The following EOGT variants were observed in gnomAD, a reference collection of about 807,000 sequenced individuals.
The protein encoded by EOGT is EGF domain specific O-linked N-acetylglucosamine transferase, also known as EGF domain-specific O-linked N-acetylglucosamine transferase.
EOGT carries 55 observed loss-of-function variants against 70.5 expected under a neutral mutation model. The ratio of observed to expected loss-of-function variants is 0.78; its 90% CI spans 0.63 to 0.98. The LOEUF (loss-of-function observed/expected upper bound fraction) is 0.98, where lower values mean the gene tolerates loss of function less well. Among genes scored for constraint, EOGT ranks in the 50% least tolerant of loss-of-function variants. EOGT has a pLI of 0.00. For synonymous variants in EOGT, 246 were observed against 217.1 expected, an observed-to-expected ratio of 1.13 and a Z score of -1.17; for missense variants, 703 against 641.9, an observed-to-expected ratio of 1.10 and a Z score of -1.03.
intron 10 of EOGT, among the ~76,000 whole-genome samples, chr3:68,995,987 A>G (rs1387896292): frequency 6.6e-6 from 1 of 152,224 alleles, no homozygotes; most frequent in East Asian, 1.9e-4. Context: ...CAAAATTTAA[A>G]AATAGTTTTG....
intron 15 of EOGT, among the ~76,000 whole-genome samples, chr3:68,980,476 C>A (rs930676411): frequency 6.6e-6 from 1 of 152,120 alleles, no homozygotes; most frequent in African/African-American, 2.4e-5. Flanking sequence ...AAAAATCAGT[C>A]CCCAAACAAT....
At chr3:68,984,508 A>G (rs2090747656) in intron 14 of EOGT, among the ~76,000 whole-genome samples, 1 of 152,186 alleles carries the variant, frequency 6.6e-6, no homozygotes, top group Non-Finnish European at 1.5e-5. Context: ...AAAGTTGGGC[A>G]GAATTCCACA....
Position 68,988,987 on chromosome 3 carries a change from C to T in EOGT, c.862G>A (p.Asp288Asn), listed in dbSNP as rs931379331. The T allele has an allele frequency of 2.0e-5, 31 of 1,531,002 alleles. No individual in the cohort carries two copies. Among genetic ancestry groups the T allele is most frequent in the East Asian group, 2.5e-5 (1 of 40,726 alleles). 94.8% of individuals were successfully genotyped at this position (1,531,002 alleles called of 1,614,324 possible). A position where few individuals can be genotyped will look rare whatever the true frequency, so the allele number is the denominator to read the frequency against. The change falls in exon 11 of 18, where the codon GAC becomes AAC. Residue 288 changes from aspartate to asparagine, a missense_variant. Coordinates refer to ENST00000383701, the MANE Select transcript of EOGT (RefSeq NM_001278689.2). The stretch of plus-strand genomic sequence containing the variant: ...TAATCAGTAAATGCATTCCATGTGT[C>T]GGAGAATAGGTCACCATATCCGTAA... ...SSYGYGDLFS[D>N]TWNAFTDYDV... is the part of the protein sequence containing the mutation.
chr3:68,982,043 A>G (rs991011423), intron 15 of EOGT, among the ~76,000 whole-genome samples: 1 of 151,978 alleles, frequency 6.6e-6, no homozygotes, highest in Non-Finnish European at 1.5e-5. Context: ...AACAGCTAGG[A>G]CTACAGGCAC....
intron 4 of EOGT, among the ~76,000 whole-genome samples, chr3:69,008,881 T>C (rs963260788): frequency 4.6e-5 from 7 of 152,288 alleles, no homozygotes; most frequent in African/African-American, 1.7e-4. Flanking sequence ...ACATATAAAC[T>C]GGAATTTGTG....
intron 7 of EOGT, among the ~76,000 whole-genome samples, chr3:69,004,713 T>C (rs1484973536): frequency 6.6e-6 from 1 of 152,054 alleles, no homozygotes; most frequent in Non-Finnish European, 1.5e-5. Context: ...GTCTGAGTCA[T>C]CCATCCCCCC....
At chr3:69,004,529 G>T (rs2091389706) in intron 7 of EOGT, 47 bp from the exon 8 acceptor site, 2 of 1,355,550 alleles carry the variant, frequency 1.5e-6, no homozygotes, top group African/African-American at 1.4e-5. Flanking sequence ...ACGTCTTCAT[G>T]ACCCAAGCAC....
rs57904466 is a variant in EOGT at position 69,011,193 on chromosome 3, C to CTTTTTTTTTTTTTT, written c.-15+742_-15+743insAAAAAAAAAAAAAA. Among the ~76,000 whole-genome samples the CTTTTTTTTTTTTTT allele has an allele frequency of 7.1e-5, 8 of 113,292 alleles. 1 individual carries two copies. Among genetic ancestry groups the CTTTTTTTTTTTTTT allele is most frequent in the Non-Finnish European group, 1.2e-4 (7 of 58,240 alleles). The allele number at this position is 113,292 out of a possible 152,430, so 74.3% of individuals were successfully genotyped here. On this transcript the variant is annotated intron_variant, in intron 3 of 17. Transcript: ENST00000383701. ...AGGTCACTTTAGTGGGATCTTTGTTCTTTTTTTTTTTTTAAGTGCTCTTTC... is the reference window on the plus strand; with the variant it reads ...AGGTCACTTTAGTGGGATCTTTGTTCTTTTTTTTTTTTTTTTTTTTTTTTTTTAAGTGCTCTTTC...
intron 4 of EOGT, among the ~76,000 whole-genome samples, chr3:69,009,402 T>C (rs1390795921): frequency 6.6e-6 from 1 of 152,200 alleles, no homozygotes; most frequent in Non-Finnish European, 1.5e-5. Flanking sequence ...TTACAAATAG[T>C]ATTGGCTACT....
intron 10 of EOGT, among the ~76,000 whole-genome samples, chr3:68,991,244 A>G (rs916516029): frequency 1.3e-5 from 2 of 152,176 alleles, no homozygotes; most frequent in Non-Finnish European, 2.9e-5. Flanking sequence ...TCCTATACTC[A>G]TGTTGAAGAA....
At chr3:68,992,928 C>T (rs192566060) in intron 10 of EOGT, among the ~76,000 whole-genome samples, 2 of 152,290 alleles carry the variant, frequency 1.3e-5, no homozygotes, top group African/African-American at 4.8e-5. Context: ...ACATTGGCTC[C>T]TTTCAGCCAT....
chr3:68,990,990 C>T (rs2090979993), intron 10 of EOGT, among the ~76,000 whole-genome samples: 1 of 151,574 alleles, frequency 6.6e-6, no homozygotes, highest in Admixed American at 6.6e-5. Flanking sequence ...TGAAATGTCC[C>T]TGTTCTGGCT....
At chr3:68,998,944 C>A (rs189337712) in intron 9 of EOGT, among the ~76,000 whole-genome samples, 2 of 151,488 alleles carry the variant, frequency 1.3e-5, no homozygotes, top group Non-Finnish European at 2.9e-5. Flanking sequence ...TCATTCCTGT[C>A]TCTTTTTTCC....
chr3:69,012,298 T>C (rs763032103), intron 2 of EOGT: 4 of 152,334 alleles, frequency 2.6e-5, no homozygotes, highest in Non-Finnish European at 4.4e-5. Context: ...GGATCAAACA[T>C]TCCCAGAAGC....
chr3:68,985,949 C>T (rs2090793674), intron 14 of EOGT, among the ~76,000 whole-genome samples: 1 of 152,324 alleles, frequency 6.6e-6, no homozygotes, highest in East Asian at 1.9e-4. Context: ...CACTGCCTCA[C>T]CTTTTCCAGC....
At chr3:69,001,250 G>T (rs112745769) in intron 9 of EOGT, among the ~76,000 whole-genome samples, 1 of 151,938 alleles carries the variant, frequency 6.6e-6, no homozygotes, top group Non-Finnish European at 1.5e-5. Context: ...GAGCCACCGC[G>T]CCCGGCTTAG....
At chr3:68,998,491 T>G (rs771895894) in intron 9 of EOGT, among the ~76,000 whole-genome samples, 8 of 152,212 alleles carry the variant, frequency 5.3e-5, no homozygotes, top group Non-Finnish European at 1.0e-4. Context: ...ATTTATTTTT[T>G]TAATCAGGGG....
chr3:68,993,290 T>C (rs758469764), intron 10 of EOGT, among the ~76,000 whole-genome samples: 17 of 152,208 alleles, frequency 1.1e-4, no homozygotes, highest in Non-Finnish European at 2.2e-4. Flanking sequence ...ACCTTTTGAA[T>C]ACTTTCCTGC....
chr3:68,991,143 C>T (rs572441806), intron 10 of EOGT, among the ~76,000 whole-genome samples: 1 of 152,302 alleles, frequency 6.6e-6, no homozygotes, highest in East Asian at 1.9e-4. Flanking sequence ...TCAGGGAAGT[C>T]ATACATTATT....
Sources: allele counts gnomAD v4.1 joint callset (sites outside exome capture counted in the v4.1 genomes callset), GRCh38; gene constraint gnomAD v4.1.1; transcripts MANE v1.5; gene names NCBI Gene and HGNC (gene_info 2026-07-23, HGNC 2026-07-21).